RAPGEF2: variants seen among roughly 807,000 people sequenced by gnomAD.
RAPGEF2 encodes PDZ domain containing guanine nucleotide exchange factor (GEF) 1.
A neutral mutation model predicts 186.7 loss-of-function variants in RAPGEF2; 54 were observed. That is an observed-to-expected ratio of 0.29 (90% confidence interval 0.23 to 0.36). The LOEUF (loss-of-function observed/expected upper bound fraction) is 0.36. RAPGEF2 is among the 10% of genes least tolerant of loss of function. RAPGEF2 has a pLI of 1.00. For missense variants in RAPGEF2, 1,532 were observed against 2,045.0 expected (o/e 0.75, Z 4.84); for synonymous variants, 712 against 705.9 (o/e 1.01, Z -0.14).
chr4:159,146,644 G>A (rs767602940), intron 1 of RAPGEF2, among the ~76,000 whole-genome samples: 39 of 152,134 alleles, frequency 2.6e-4, no homozygotes, highest in Non-Finnish European at 5.0e-4. Flanking sequence ...AGCATGGAGA[G>A]GTGACCTAAC....
At chr4:159,107,749 CT>C (rs1431260780) in intron 1 of RAPGEF2, among the ~76,000 whole-genome samples, 2 of 152,136 alleles carry the variant, frequency 1.3e-5, no homozygotes, top group Non-Finnish European at 2.9e-5. Flanking sequence ...AAAAAAGTAA[CT>C]TTAGCTCAGA....
intron 1 of RAPGEF2, among the ~76,000 whole-genome samples, chr4:159,122,043 A>G (rs1239081825): frequency 3.3e-5 from 5 of 149,786 alleles, no homozygotes; most frequent in Admixed American, 1.3e-4. Flanking sequence ...CATCTCAAAA[A>G]AAAAAAAAAA....
intron 7 of RAPGEF2, among the ~76,000 whole-genome samples, chr4:159,249,372 T>C (rs1237631545): frequency 6.6e-6 from 1 of 151,702 alleles, no homozygotes; most frequent in Non-Finnish European, 1.5e-5. Context: ...CAGTTATCTG[T>C]TGTAAGTTGT....
At chr4:159,317,479 G>A (rs1281802832) in intron 9 of RAPGEF2, among the ~76,000 whole-genome samples, 5 of 152,170 alleles carry the variant, frequency 3.3e-5, no homozygotes, top group South Asian at 2.1e-4. Context: ...TAGAGGCTGG[G>A]CTGATGGAAG....
intron 7 of RAPGEF2, among the ~76,000 whole-genome samples, chr4:159,275,721 G>A (rs1275498800): frequency 6.6e-6 from 1 of 151,924 alleles, no homozygotes; most frequent in Non-Finnish European, 1.5e-5. Flanking sequence ...TCTTATTATA[G>A]GGTATTTTCA....
rs544418648 is a variant in RAPGEF2, at chr4:159,235,012, G to A, written c.282-3797G>A. Among the ~76,000 whole-genome samples, 9 of 152,102 alleles carry A rather than the reference G, an allele frequency of 5.9e-5. No individual in the cohort carries two copies. The South Asian group carries it at 1.5e-3, about 25-fold the overall frequency. ...TAACCTCAAGTGTTCTGCCCACCTC[G>A]GCCTTCCAAAGTGCTGGAATTACAG... On this transcript the variant is annotated intron_variant, in intron 4 of 29. Coordinates refer to ENST00000691494, the MANE Select transcript of RAPGEF2 (RefSeq NM_001394067.2).
chr4:159,298,299 G>A (rs1287176809), intron 7 of RAPGEF2, among the ~76,000 whole-genome samples: 1 of 152,026 alleles, frequency 6.6e-6, no homozygotes, highest in African/African-American at 2.4e-5. Flanking sequence ...TTTGCTTTGT[G>A]GAATACTGAT....
chr4:159,298,241 A>G, intron 7 of RAPGEF2, among the ~76,000 whole-genome samples: 1 of 152,138 alleles, frequency 6.6e-6, no homozygotes, highest in African/African-American at 2.4e-5. Context: ...CTGACATTAT[A>G]TATATTTATT....
chr4:159,344,822 A>T (rs1730057613), intron 23 of RAPGEF2, among the ~76,000 whole-genome samples: 1 of 152,194 alleles, frequency 6.6e-6, no homozygotes, highest in South Asian at 2.1e-4. Flanking sequence ...GTTTTCTGGC[A>T]CCTGTGAGAG....
At chr4:159,351,705 G>A (rs956859394) in intron 26 of RAPGEF2, among the ~76,000 whole-genome samples, 10 of 152,182 alleles carry the variant, frequency 6.6e-5, no homozygotes, top group African/African-American at 2.4e-4. Flanking sequence ...CACTTTGGGA[G>A]GCCAAGACAG....
intron 9 of RAPGEF2, among the ~76,000 whole-genome samples, chr4:159,316,827 A>G (rs1027788184): frequency 6.6e-6 from 1 of 152,158 alleles, no homozygotes; most frequent in African/African-American, 2.4e-5. Flanking sequence ...CCACCTTTCC[A>G]TCATAGCAAG....
intron 6 of RAPGEF2, among the ~76,000 whole-genome samples, chr4:159,241,964 G>A (rs1292673442): frequency 6.6e-6 from 1 of 152,054 alleles, no homozygotes; most frequent in African/African-American, 2.4e-5. Flanking sequence ...AAATCTCAAT[G>A]TAAAGATGCT....
At chr4:159,293,187 TGA>T (rs1259283237) in intron 7 of RAPGEF2, among the ~76,000 whole-genome samples, 7 of 152,210 alleles carry the variant, frequency 4.6e-5, no homozygotes, top group Non-Finnish European at 1.0e-4. Flanking sequence ...GGGAAATAAG[TGA>T]GAGCATAAAA....
intron 1 of RAPGEF2, among the ~76,000 whole-genome samples, chr4:159,163,259 A>G (rs758825283): frequency 1.4e-4 from 21 of 152,178 alleles, no homozygotes; most frequent in Non-Finnish European, 1.2e-4. Context: ...AAATGTGGCA[A>G]TTGTGACAGA....
chr4:159,329,227 A>T (rs1018741120), intron 11 of RAPGEF2: 1 of 152,082 alleles, frequency 6.6e-6, no homozygotes, highest in Non-Finnish European at 1.5e-5. Flanking sequence ...GGTCAGGGAG[A>T]GTAATGACTT....
intron 4 of RAPGEF2, among the ~76,000 whole-genome samples, chr4:159,213,396 A>G (rs1472507170): frequency 6.6e-6 from 1 of 152,250 alleles, no homozygotes; most frequent in Non-Finnish European, 1.5e-5. Context: ...GTAAGCCTGG[A>G]AATTGGTTAT....
Position 159,350,159 on chromosome 4 carries a change from A to T in RAPGEF2, c.3735A>T (p.Leu1245Phe). ...TAGGCATAAACTCTCCACAAGCTTT[A>T]AAAAAAATTCTTTCTTTGTCTGAAG... ...PPFGINSPQALKKILSLSEEG... is the reference protein window; with the variant it reads ...PPFGINSPQAFKKILSLSEEG... The change falls in exon 26 of 30, where the codon TTA becomes TTT. Residue 1245 changes from leucine to phenylalanine, a missense_variant. Transcript: ENST00000691494. 6.4e-7 allele frequency: 1 copy of T among 1,564,744 alleles called. No homozygotes were observed. Among genetic ancestry groups the T allele is most frequent in the Non-Finnish European group, 8.7e-7 (1 of 1,153,538 alleles).
rs113393985 is a variant in RAPGEF2, at chr4:159,346,927, G to A, written c.3641G>A (p.Gly1214Glu). 1 of 1,614,148 alleles carries A rather than the reference G, an allele frequency of 6.2e-7. No homozygotes were observed. Among genetic ancestry groups the A allele is most frequent in the Non-Finnish European group, 8.5e-7 (1 of 1,180,036 alleles). Residue 1214 changes from glycine (G) to glutamate (E), a missense_variant, in exon 25 of 30, where the codon GGA becomes GAA. Gly to Glu is a moderately conservative substitution (Grantham distance 98). This residue lies in a region of RAPGEF2 where 594 missense variants were observed against 608.5 expected (regional missense o/e 0.98). Coordinates refer to ENST00000691494, the MANE Select transcript of RAPGEF2 (RefSeq NM_001394067.2). ...QPPPAHKINQ[G>E]LQVPAVSLYP... ...CCACCAGCACATAAAATCAACCAGG[G>A]ACTACAGGTTCCCGCCGTGTCCCTT...
At chr4:159,267,940 T>C in intron 7 of RAPGEF2, 3 of 1,317,888 alleles carry the variant, frequency 2.3e-6, no homozygotes, top group Non-Finnish European at 2.9e-6. Flanking sequence ...GTTATAAAAA[T>C]GGAGACGAAC....
Sources: gnomAD v4.1 joint callset for allele counts (sites outside exome capture counted in the v4.1 genomes callset) on GRCh38, gnomAD v4.1.1 for gene constraint, gnomAD v4.1.1 regional missense constraint, MANE v1.5 for transcripts, NCBI Gene and HGNC (gene_info 2026-07-23, HGNC 2026-07-21) for gene names.